IRF2: variants seen among roughly 807,000 people sequenced by gnomAD.
IRF2 encodes interferon regulatory factor 2.
Under a neutral mutation model 40.6 loss-of-function variants are expected in IRF2, and 15 were observed. That is an observed-to-expected ratio of 0.37 (90% CI 0.25 to 0.57). The LOEUF (loss-of-function observed/expected upper bound fraction) is 0.57, where lower values mean the gene tolerates loss of function less well. Among genes scored for constraint, IRF2 ranks in the 20% least tolerant of loss-of-function variants. The pLI is 0.77. For synonymous variants in IRF2, 151 were observed against 165.5 expected (o/e 0.91, Z 0.67); for missense variants, 317 against 455.7 (o/e 0.70, Z 2.77).
chr4:184,401,170 G>T (rs748709631), intron 6 of IRF2, among the ~76,000 whole-genome samples: 1 of 152,240 alleles, frequency 6.6e-6, no homozygotes, highest in Non-Finnish European at 1.5e-5. Flanking sequence ...TCCTTGAGAC[G>T]CCAGGCGTCA....
intron 1 of IRF2, among the ~76,000 whole-genome samples, chr4:184,438,132 C>T (rs1738157127): frequency 6.6e-6 from 1 of 152,164 alleles, no homozygotes. Flanking sequence ...TGCGTTATTT[C>T]ACTTAATCTT....
intron 5 of IRF2, among the ~76,000 whole-genome samples, chr4:184,414,752 A>G (rs1343002000): frequency 6.6e-6 from 1 of 152,212 alleles, no homozygotes; most frequent in Non-Finnish European, 1.5e-5. Context: ...GAAAATTCTA[A>G]TACTTGGCCT....
At chr4:184,458,516 A>G (rs1031530149) in intron 1 of IRF2, among the ~76,000 whole-genome samples, 3 of 152,182 alleles carry the variant, frequency 2.0e-5, no homozygotes, top group Non-Finnish European at 4.4e-5. Flanking sequence ...TAATTTCATC[A>G]TTATCATGTT....
At chr4:184,427,539 G>C (rs906005154) in intron 2 of IRF2, among the ~76,000 whole-genome samples, 1 of 152,176 alleles carries the variant, frequency 6.6e-6, no homozygotes, top group Non-Finnish European at 1.5e-5. Flanking sequence ...CCAGCTACTT[G>C]GGAGACAAAG....
intron 2 of IRF2, among the ~76,000 whole-genome samples, chr4:184,425,689 G>A (rs953371404): frequency 9.8e-5 from 15 of 152,352 alleles, no homozygotes; most frequent in Middle Eastern, 3.4e-3. Flanking sequence ...GATGAGTGAC[G>A]CTCAGCAGGT....
intron 1 of IRF2, among the ~76,000 whole-genome samples, chr4:184,432,200 A>G (rs1737909722): frequency 6.6e-6 from 1 of 152,190 alleles, no homozygotes; most frequent in Non-Finnish European, 1.5e-5. Context: ...ACTGAAATAT[A>G]TCCACAACCC....
intron 1 of IRF2, among the ~76,000 whole-genome samples, chr4:184,445,521 GGT>G (rs1464940119): frequency 6.6e-6 from 1 of 152,004 alleles, no homozygotes; most frequent in Non-Finnish European, 1.5e-5. Context: ...TGGGCATGGT[GGT>G]GTGTGCCTGT....
chr4:184,423,253 G>C (rs993557380), intron 2 of IRF2, among the ~76,000 whole-genome samples: 1 of 152,206 alleles, frequency 6.6e-6, no homozygotes, highest in African/African-American at 2.4e-5. Context: ...TACATGCTGT[G>C]TATAGACAGA....
intron 1 of IRF2, among the ~76,000 whole-genome samples, chr4:184,462,894 C>T (rs1193439632): frequency 6.6e-6 from 1 of 152,204 alleles, no homozygotes; most frequent in Non-Finnish European, 1.5e-5. Flanking sequence ...CTAACCTTTG[C>T]TTTACAGCTG....
intron 1 of IRF2, among the ~76,000 whole-genome samples, chr4:184,440,748 C>G (rs539758109): frequency 1.3e-5 from 2 of 152,348 alleles, no homozygotes; most frequent in South Asian, 4.1e-4. Flanking sequence ...GCTCTTCTTT[C>G]TGAATGTCTA....
At chr4:184,419,135 G>A (rs1351902126) in intron 3 of IRF2, among the ~76,000 whole-genome samples, 1 of 152,134 alleles carries the variant, frequency 6.6e-6, no homozygotes, top group African/African-American at 2.4e-5. Flanking sequence ...AATAAATACA[G>A]GTATTTCTGA....
chr4:184,405,882 T>C (rs1407357232), intron 6 of IRF2, among the ~76,000 whole-genome samples: 1 of 151,966 alleles, frequency 6.6e-6, no homozygotes, highest in Non-Finnish European at 1.5e-5. Flanking sequence ...GCAGCCCAAC[T>C]CCACTGCCCA....
chr4:184,430,593 A>C lies in IRF2; in HGVS notation c.-6-1523T>G, dbSNP rs548849037. Among the ~76,000 whole-genome samples the C allele has an allele frequency of 3.9e-5, 6 of 152,330 alleles. 1 individual carries two copies. Among genetic ancestry groups the C allele is most frequent in the African/African-American group, 1.4e-4 (6 of 41,570 alleles). On this transcript the variant is annotated intron_variant, in intron 1 of 8. Coordinates refer to ENST00000393593, the MANE Select transcript of IRF2 (RefSeq NM_002199.4). ...ACATTGCTTTAGGGCAGTTGTTTTA[A>C]GTAAAGTCTTTCATCTTATCCCTTG...
chr4:184,434,593 T>G (rs1738012347), intron 1 of IRF2, among the ~76,000 whole-genome samples: 1 of 151,950 alleles, frequency 6.6e-6, no homozygotes, highest in African/African-American at 2.4e-5. Context: ...CTTTACACCT[T>G]TGAGATTTGA....
chr4:184,469,506 G>A (rs1456801106), intron 1 of IRF2, among the ~76,000 whole-genome samples: 1 of 151,336 alleles, frequency 6.6e-6, no homozygotes, highest in Admixed American at 6.6e-5. Flanking sequence ...GCGAGACCCC[G>A]TCTCTACACA....
intron 6 of IRF2, among the ~76,000 whole-genome samples, chr4:184,401,869 T>C (rs1357406180): frequency 6.6e-6 from 1 of 152,370 alleles, no homozygotes; most frequent in East Asian, 1.9e-4. Context: ...CCTTTGCACG[T>C]TGCTCCTAAC....
Position 184,413,648 on chromosome 4 carries a change from G to A in IRF2, c.411+4519C>T, listed in dbSNP as rs986919881. Among the ~76,000 whole-genome samples the A allele has an allele frequency of 1.3e-5, 2 of 152,182 alleles. No individual in the cohort carries two copies. Among genetic ancestry groups the A allele is most frequent in the Non-Finnish European group, 2.9e-5 (2 of 68,042 alleles). On this transcript the variant is annotated intron_variant, in intron 5 of 8. Transcript: ENST00000393593. The surrounding 1 kb of genome is among the most constrained non-coding windows in gnomAD (Gnocchi z 4.2). ...CTACCCATAGGTCTGTGCTCAGAAC[G>A]AATACAGACCAGGCCTAATCTTTTC...
chr4:184,457,240 T>TC (rs1367370115), intron 1 of IRF2, among the ~76,000 whole-genome samples: 1 of 152,238 alleles, frequency 6.6e-6, no homozygotes, highest in South Asian at 2.1e-4. Context: ...ATCCATGTGG[T>TC]CCCAATGCAG....
intron 7 of IRF2, among the ~76,000 whole-genome samples, chr4:184,394,994 C>A (rs1736391879): frequency 6.6e-6 from 1 of 152,322 alleles, no homozygotes; most frequent in African/African-American, 2.4e-5. Flanking sequence ...GAGGAGAAGA[C>A]AGACTTGCAA....
Sources: allele counts gnomAD v4.1 joint callset (sites outside exome capture counted in the v4.1 genomes callset), GRCh38; gene constraint gnomAD v4.1.1; non-coding constraint Gnocchi (gnomAD v3.1); transcripts MANE v1.5; gene names NCBI Gene and HGNC (gene_info 2026-07-23, HGNC 2026-07-21).